Variants in FBXL17 observed in about 807,000 individuals in gnomAD.
FBXL17 encodes the protein F-box/LRR-repeat protein 17.
Under a neutral mutation model 66.2 loss-of-function variants are expected in FBXL17, and 22 were observed. The ratio of observed to expected loss-of-function variants is 0.33; its 90% CI spans 0.24 to 0.47. The LOEUF (loss-of-function observed/expected upper bound fraction) is 0.47. Among genes scored for constraint, FBXL17 ranks in the 20% least tolerant of loss-of-function variants. The probability of loss-of-function intolerance (pLI) is 1.00; values close to 1 mark genes in which losing one functional copy is unlikely to be tolerated. For missense variants in FBXL17, 878 were observed against 948.2 expected (o/e 0.93, Z 0.97); for synonymous variants, 474 against 400.5 (o/e 1.18, Z -2.19).
chr5:108,242,747 A>T (rs1755917223), intron 4 of FBXL17, among the ~76,000 whole-genome samples: 1 of 152,170 alleles, frequency 6.6e-6, no homozygotes, highest in African/African-American at 2.4e-5. Flanking sequence ...CTTCCAAAAC[A>T]CATTTAAGTA....
At chr5:108,175,504 T>C (rs982905350) in intron 6 of FBXL17, among the ~76,000 whole-genome samples, 2 of 152,244 alleles carry the variant, frequency 1.3e-5, no homozygotes, top group African/African-American at 4.8e-5. Flanking sequence ...ACAACTTTGA[T>C]ATTTTTCATA....
At chr5:108,007,423 T>C (rs1484946336) in intron 7 of FBXL17, among the ~76,000 whole-genome samples, 1 of 152,090 alleles carries the variant, frequency 6.6e-6, no homozygotes, top group African/African-American at 2.4e-5. Context: ...CTGGAAGGGA[T>C]CCGATCTTTC....
intron 4 of FBXL17, among the ~76,000 whole-genome samples, chr5:108,343,259 T>C (rs1747007829): frequency 6.6e-6 from 1 of 152,200 alleles, no homozygotes; most frequent in South Asian, 2.1e-4. Flanking sequence ...TTCAATATCT[T>C]TAGATCACCT....
chr5:108,380,851 C>A lies in FBXL17; in HGVS notation c.841G>T (p.Ala281Ser). 4 of 1,246,430 alleles carry A rather than the reference C, an allele frequency of 3.2e-6. No homozygotes were observed. In the African/African-American group the frequency reaches 6.2e-5, roughly 19 times the overall value. 77.2% of individuals were successfully genotyped at this position (1,246,430 alleles called of 1,614,324 possible). ...GCGGACAAGGGGGCGGTGCCCCCGG[C>A]TCGGACAGCGTCCCCGCCAGCTTCG... Reference protein sequence around the residue: ...PTEAGGDAVRAGGTAPLSAQQ... With the variant: ...PTEAGGDAVRSGGTAPLSAQQ... The change falls in exon 1 of 9, where the codon GCC becomes TCC. Residue 281 changes from alanine to serine, a missense_variant. Physicochemically the swap from Ala to Ser is moderately conservative, Grantham distance 99 (BLOSUM62 1). This residue lies in a region of FBXL17 where 605 missense variants were observed against 509.5 expected (regional missense o/e 1.19). Transcript: ENST00000542267.
chr5:107,903,075 A>G (rs1403337603), intron 7 of FBXL17, among the ~76,000 whole-genome samples: 1 of 152,154 alleles, frequency 6.6e-6, no homozygotes, highest in African/African-American at 2.4e-5. Context: ...AATCATTTAG[A>G]TTTTGTCTTT....
At chr5:107,879,567 T>G (rs1168206164) in intron 8 of FBXL17, 9 of 985,428 alleles carry the variant, frequency 9.1e-6, no homozygotes, top group African/African-American at 1.7e-5. Flanking sequence ...TCGTATAAGT[T>G]GGGATTCTAA....
chr5:108,370,268 T>G (rs753632004), intron 1 of FBXL17, among the ~76,000 whole-genome samples: 1 of 152,202 alleles, frequency 6.6e-6, no homozygotes, highest in Non-Finnish European at 1.5e-5. Flanking sequence ...AGTCAAGGAT[T>G]TGTTGTAATA....
intron 5 of FBXL17, among the ~76,000 whole-genome samples, chr5:108,219,188 A>G (rs558214547): frequency 1.1e-4 from 17 of 152,304 alleles, no homozygotes; most frequent in African/African-American, 3.8e-4. Flanking sequence ...TTGAATTGGT[A>G]TTATTTCTTT....
intron 6 of FBXL17, among the ~76,000 whole-genome samples, chr5:108,142,088 T>C (rs1751371760): frequency 6.6e-6 from 1 of 152,206 alleles, no homozygotes; most frequent in Non-Finnish European, 1.5e-5. Flanking sequence ...AAAGCATATG[T>C]TTTCACATAC....
chr5:108,297,526 C>G (rs187110594), intron 4 of FBXL17, among the ~76,000 whole-genome samples: 1 of 151,722 alleles, frequency 6.6e-6, no homozygotes, highest in Non-Finnish European at 1.5e-5. Flanking sequence ...TTTAAAGACT[C>G]AAACATCAAA....
intron 4 of FBXL17, among the ~76,000 whole-genome samples, chr5:108,247,168 A>T (rs1580686091): frequency 6.6e-6 from 1 of 152,332 alleles, no homozygotes; most frequent in East Asian, 1.9e-4. Context: ...TGCTAAAACG[A>T]TTATGTAAAA....
intron 4 of FBXL17, among the ~76,000 whole-genome samples, chr5:108,289,179 AATGAT>A (rs1225294767): frequency 1.3e-5 from 2 of 152,126 alleles, no homozygotes; most frequent in African/African-American, 4.8e-5. Context: ...TTGTAAATTA[AATGAT>A]ATAACACACA....
rs1247307189 is a variant in FBXL17, at chr5:107,906,427, T to A, written c.1823-25248A>T. Among the ~76,000 whole-genome samples the A allele has an allele frequency of 2.6e-5, 4 of 152,322 alleles. No individual in the cohort carries two copies. The East Asian group carries it at 7.7e-4, about 29-fold the overall frequency. ...AACAAAAGGAACAACAGTTTTTGAATATTTACTTTGTGGTAACATCATGCT... is the reference window on the plus strand; with the variant it reads ...AACAAAAGGAACAACAGTTTTTGAAAATTTACTTTGTGGTAACATCATGCT... On this transcript the variant is annotated intron_variant, in intron 7 of 8. Coordinates refer to ENST00000542267, the MANE Select transcript of FBXL17 (RefSeq NM_001163315.3).
At chr5:108,305,321 G>A (rs1758786156) in intron 4 of FBXL17, among the ~76,000 whole-genome samples, 1 of 151,992 alleles carries the variant, frequency 6.6e-6, no homozygotes, top group African/African-American at 2.4e-5. Context: ...GGGGCCCACT[G>A]GAGGTGGGTG....
chr5:108,234,116 C>A (rs909935647), intron 4 of FBXL17, among the ~76,000 whole-genome samples: 1 of 152,084 alleles, frequency 6.6e-6, no homozygotes, highest in African/African-American at 2.4e-5. Flanking sequence ...AAAGAGAAGA[C>A]AGGCAGTACA....
intron 3 of FBXL17, among the ~76,000 whole-genome samples, chr5:108,352,985 A>G (rs994223227): frequency 6.6e-6 from 1 of 152,168 alleles, no homozygotes; most frequent in Non-Finnish European, 1.5e-5. Flanking sequence ...CCTATTCTAG[A>G]TGATCCAAGT....
At chr5:108,104,522 A>C (rs1012178318) in intron 6 of FBXL17, among the ~76,000 whole-genome samples, 1 of 152,256 alleles carries the variant, frequency 6.6e-6, no homozygotes, top group African/African-American at 2.4e-5. Flanking sequence ...TACCTCCTAC[A>C]GAGCAGAGCT....
intron 6 of FBXL17, among the ~76,000 whole-genome samples, chr5:108,173,018 C>G (rs1195792058): frequency 6.6e-6 from 1 of 151,902 alleles, no homozygotes; most frequent in Non-Finnish European, 1.5e-5. Flanking sequence ...TCAGGCTGCT[C>G]TCGAACTCCT....
At chr5:108,303,403 C>A (rs1037728406) in intron 4 of FBXL17, among the ~76,000 whole-genome samples, 3 of 151,020 alleles carry the variant, frequency 2.0e-5, no homozygotes, top group African/African-American at 7.3e-5. Context: ...CACATACCCA[C>A]ACACAAGCAA....
Sources: allele counts gnomAD v4.1 joint callset (sites outside exome capture counted in the v4.1 genomes callset), GRCh38; gene constraint gnomAD v4.1.1; regional missense constraint gnomAD v4.1.1; transcripts MANE v1.5; gene names NCBI Gene and HGNC (gene_info 2026-07-23, HGNC 2026-07-21).